The following NAALADL2 variants were observed in gnomAD, a reference collection of about 807,000 sequenced individuals.
NAALADL2 encodes inactive N-acetylated-alpha-linked acidic dipeptidase-like protein 2.
Under a neutral mutation model 87.2 loss-of-function variants are expected in NAALADL2, and 76 were observed. That is an observed-to-expected ratio of 0.87 (90% CI 0.72 to 1.05). NAALADL2 has a LOEUF of 1.05. Ranked by LOEUF, NAALADL2 falls within the 50% of genes least tolerant of loss-of-function variation. The probability of loss-of-function intolerance (pLI) is 0.00; values close to 1 mark genes in which losing one functional copy is unlikely to be tolerated. For missense variants in NAALADL2, 1,089 were observed against 945.8 expected, an observed-to-expected ratio of 1.15 and a Z score of -1.99; for synonymous variants, 354 against 331.0, an observed-to-expected ratio of 1.07 and a Z score of -0.75.
At chr3:175,118,725 T>C (rs2108547745) in intron 2 of NAALADL2, among the ~76,000 whole-genome samples, 1 of 151,908 alleles carries the variant, frequency 6.6e-6, no homozygotes, top group Non-Finnish European at 1.5e-5. Context: ...TCAGAATAGA[T>C]TATAGTTCTG....
intron 6 of NAALADL2, among the ~76,000 whole-genome samples, chr3:175,449,321 C>T (rs1392528493): frequency 6.6e-6 from 1 of 152,008 alleles, no homozygotes; most frequent in East Asian, 1.9e-4. Flanking sequence ...CTCAAGCAAT[C>T]CTCCTGCTTG....
chr3:174,506,139 C>A (rs1719188613), intron 1 of NAALADL2, among the ~76,000 whole-genome samples: 1 of 151,182 alleles, frequency 6.6e-6, no homozygotes, highest in Non-Finnish European at 1.5e-5. Context: ...TATCTAGCAA[C>A]TTGCTTCGTA....
chr3:175,625,157 G>A (rs775282772), intron 10 of NAALADL2, among the ~76,000 whole-genome samples: 2 of 151,946 alleles, frequency 1.3e-5, no homozygotes, highest in Non-Finnish European at 2.9e-5. Flanking sequence ...ATATAAAAAC[G>A]AGTGTATTCA....
At chr3:175,698,338 T>C (rs1738325061) in intron 11 of NAALADL2, among the ~76,000 whole-genome samples, 4 of 114,210 alleles carry the variant, frequency 3.5e-5, no homozygotes, top group Non-Finnish European at 5.1e-5. Flanking sequence ...TATGTGTATA[T>C]ATGTATGTGT....
chr3:174,640,980 C>A (rs571460030), intron 2 of NAALADL2, among the ~76,000 whole-genome samples: 18 of 152,332 alleles, frequency 1.2e-4, no homozygotes, highest in Middle Eastern at 3.4e-3. Flanking sequence ...ACCGTTCCTT[C>A]CCCCGGGCTG....
intron 9 of NAALADL2, among the ~76,000 whole-genome samples, chr3:175,501,001 G>A (rs563368426): frequency 1.2e-4 from 18 of 152,244 alleles, no homozygotes; most frequent in African/African-American, 4.1e-4. Context: ...ATCAGAACAG[G>A]CAAGTTTTAC....
intron 3 of NAALADL2, among the ~76,000 whole-genome samples, chr3:174,798,553 G>C (rs572135242): frequency 6.6e-6 from 1 of 152,102 alleles, no homozygotes; most frequent in African/African-American, 2.4e-5. Context: ...GGAGACTTGT[G>C]ATCAATAAAC....
intron 1 of NAALADL2, among the ~76,000 whole-genome samples, chr3:174,995,275 A>G (rs1747281814): frequency 2.0e-5 from 3 of 152,186 alleles, no homozygotes. Context: ...AAGCAAAGGC[A>G]TCGGGTAGAT....
At chr3:175,729,779 T>C (rs1394757206) in intron 11 of NAALADL2, among the ~76,000 whole-genome samples, 8 of 88,468 alleles carry the variant, frequency 9.0e-5, no homozygotes, top group African/African-American at 3.5e-4. Flanking sequence ...TTTTTTTTTT[T>C]TTTTTCACAT....
At chr3:174,885,721 A>G (rs1023916274) in intron 1 of NAALADL2, among the ~76,000 whole-genome samples, 1 of 151,824 alleles carries the variant, frequency 6.6e-6, no homozygotes, top group African/African-American at 2.4e-5. Flanking sequence ...TGGTACCAAA[A>G]TCTGTATTAG....
intron 5 of NAALADL2, among the ~76,000 whole-genome samples, chr3:175,355,724 T>C (rs548318764): frequency 1.6e-4 from 25 of 152,318 alleles, no homozygotes; most frequent in African/African-American, 5.8e-4. Context: ...GAATACTTCA[T>C]GTAAACAAAA....
intron 1 of NAALADL2, among the ~76,000 whole-genome samples, chr3:175,023,772 A>G (rs1040315840): frequency 1.3e-5 from 2 of 152,122 alleles, no homozygotes; most frequent in African/African-American, 2.4e-5. Context: ...AGTACAGAGT[A>G]TGGCACTTTC....
chr3:175,066,074 G>T (rs1714487428), intron 1 of NAALADL2, among the ~76,000 whole-genome samples: 1 of 152,154 alleles, frequency 6.6e-6, no homozygotes, highest in Admixed American at 6.6e-5. Flanking sequence ...CTGCACTGCA[G>T]AGAACAAGTG....
intron 2 of NAALADL2, among the ~76,000 whole-genome samples, chr3:174,687,479 A>G (rs761431689): frequency 1.3e-5 from 2 of 152,128 alleles, no homozygotes; most frequent in Non-Finnish European, 2.9e-5. Flanking sequence ...CTTACAATAT[A>G]CTAGGGGATC....
At chr3:175,518,041 C>T (rs1374665458) in intron 9 of NAALADL2, among the ~76,000 whole-genome samples, 3 of 152,114 alleles carry the variant, frequency 2.0e-5, no homozygotes, top group Admixed American at 6.6e-5. Flanking sequence ...GATGGAGCTG[C>T]CGTTTTGAAC....
chr3:175,283,800 T>A (rs977091587), intron 4 of NAALADL2, among the ~76,000 whole-genome samples: 1 of 145,202 alleles, frequency 6.9e-6, no homozygotes, highest in Non-Finnish European at 1.6e-5. Flanking sequence ...GCCACCACAT[T>A]GAAAATAGTT....
At chr3:175,124,526 C>G (rs889857114) in intron 2 of NAALADL2, 1 of 151,892 alleles carries the variant, frequency 6.6e-6, no homozygotes, top group Non-Finnish European at 1.5e-5. Context: ...ATGCTTTTCC[C>G]GAATCTTTCA....
chr3:175,360,810 C>CTGTGTG lies in NAALADL2; in HGVS notation c.1090+36495_1090+36500dup, dbSNP rs746890254. ...TTTTTTATGGCTGAGTAATATTCCA[C>CTGTGTG]TGTGTGTGTGTGTGTATGTGTGTGT... On this transcript the variant is annotated intron_variant, in intron 5 of 13. Coordinates refer to ENST00000454872, the MANE Select transcript of NAALADL2 (RefSeq NM_207015.3). 9.2e-3 allele frequency among the ~76,000 whole-genome samples: 1,012 copies of CTGTGTG among 109,786 alleles called. 5 individuals are homozygous for CTGTGTG. The highest frequency in any genetic ancestry group is 0.013 in the Non-Finnish European group (709 of 54,798). The allele number at this position is 109,786 out of a possible 152,430, so 72.0% of individuals were successfully genotyped here.
chr3:175,779,301 C>G (rs1417753963), intron 13 of NAALADL2, among the ~76,000 whole-genome samples: 5 of 152,260 alleles, frequency 3.3e-5, no homozygotes, highest in Non-Finnish European at 7.4e-5. Context: ...GCCAAAGCAG[C>G]CTATCTGGGG....
Sources: gnomAD v4.1 joint callset for allele counts (sites outside exome capture counted in the v4.1 genomes callset) on GRCh38, gnomAD v4.1.1 for gene constraint, MANE v1.5 for transcripts, NCBI Gene and HGNC (gene_info 2026-07-23, HGNC 2026-07-21) for gene names.